Variants in PCDH11Y observed in about 807,000 individuals in gnomAD.
PCDH11Y encodes the protein protocadherin-11 Y-linked.
For synonymous variants in PCDH11Y, 9 were observed against 83.6 expected, an observed-to-expected ratio of 0.11 and a Z score of 4.87; for missense variants, 12 against 224.8, an observed-to-expected ratio of 0.05 and a Z score of 6.05.
At chrY:5,034,432 A>G (rs2052595817) in intron 3 of PCDH11Y, among the ~76,000 whole-genome samples, 1 of 33,173 alleles carries the variant, frequency 3.0e-5, no homozygotes, top group African/African-American at 1.2e-4. Flanking sequence ...CATTTTATAG[A>G]CCTGTTATTT....
chrY:5,374,887 G>T lies in PCDH11Y; in HGVS notation c.3130-126170G>T. ...TTCAAGGTTTATCCATGTGGATAAA[G>T]TAGCCTGTACTTTATTCCTTTTTAT... On this transcript the variant is annotated intron_variant, in intron 2 of 4. Transcript: ENST00000400457. Among the ~76,000 whole-genome samples the T allele has an allele frequency of 1.2e-4, 4 of 33,390 alleles. No individual in the cohort carries two copies. In the South Asian group the frequency reaches 2.6e-3, roughly 22 times the overall value. The allele number at this position is 33,390 out of a possible 37,273, so 89.6% of individuals were successfully genotyped here.
chrY:5,700,776 T>C (rs2053577025), intron 4 of PCDH11Y, among the ~76,000 whole-genome samples: 1 of 33,696 alleles, frequency 3.0e-5, no homozygotes, highest in Non-Finnish European at 7.3e-5. Flanking sequence ...GACATGACTT[T>C]GGTATTAAGT....
intron 2 of PCDH11Y, among the ~76,000 whole-genome samples, chrY:5,154,129 T>C: frequency 3.4e-5 from 1 of 29,650 alleles, no homozygotes; most frequent in Non-Finnish European, 8.1e-5. Context: ...CCATCAAAAG[T>C]GAGAAGTAGG....
intron 2 of PCDH11Y, among the ~76,000 whole-genome samples, chrY:5,282,558 A>G: frequency 6.0e-5 from 2 of 33,223 alleles, no homozygotes; most frequent in Non-Finnish European, 1.5e-4. Context: ...TTCCCTTTCT[A>G]TGTTGCTCTT....
At chrY:5,720,553 TA>T (rs2053593816) in intron 4 of PCDH11Y, among the ~76,000 whole-genome samples, 21 of 22,138 alleles carry the variant, frequency 9.5e-4, no homozygotes, top group Middle Eastern at 0.053. Flanking sequence ...TGGTGATTCA[TA>T]AAAAAAAAAA....
intron 2 of PCDH11Y, among the ~76,000 whole-genome samples, chrY:5,223,657 G>A: frequency 3.1e-5 from 1 of 31,818 alleles, no homozygotes; most frequent in Non-Finnish European, 7.6e-5. Flanking sequence ...GAGCCTCACT[G>A]TGTTGCCCTG....
intron 2 of PCDH11Y, among the ~76,000 whole-genome samples, chrY:5,112,617 A>G (rs2052803593): frequency 3.0e-5 from 1 of 33,631 alleles, no homozygotes; most frequent in Non-Finnish European, 7.4e-5. Flanking sequence ...TGGATTTACC[A>G]TAATTATATA....
chrY:5,108,797 A>G, downstream of PCDH11Y, among the ~76,000 whole-genome samples: 1 of 29,412 alleles, frequency 3.4e-5, no homozygotes, highest in Non-Finnish European at 8.1e-5. Context: ...ATATATATAT[A>G]CTTTAGAATA....
intron 4 of PCDH11Y, among the ~76,000 whole-genome samples, chrY:5,710,929 A>G (rs2053585939): frequency 6.1e-5 from 2 of 32,574 alleles, no homozygotes; most frequent in Non-Finnish European, 1.5e-4. Flanking sequence ...CTTGGGAATC[A>G]TGGGGATCAT....
intron 1 of PCDH11Y, among the ~76,000 whole-genome samples, chrY:5,009,357 A>G (rs2052544423): frequency 3.0e-5 from 1 of 33,841 alleles, no homozygotes; most frequent in Non-Finnish European, 7.3e-5. Flanking sequence ...ATAAAACATA[A>G]AAAATGATGT....
At chrY:5,656,530 C>A in intron 4 of PCDH11Y, among the ~76,000 whole-genome samples, 3 of 30,107 alleles carry the variant, frequency 1.0e-4, no homozygotes, top group African/African-American at 3.9e-4. Context: ...TTTTCCCCCC[C>A]AAAAGTGAAA....
intron 2 of PCDH11Y, among the ~76,000 whole-genome samples, chrY:5,358,225 C>T (rs2053170202): frequency 1.8e-4 from 6 of 33,888 alleles, no homozygotes; most frequent in Admixed American, 1.6e-3. Context: ...CATGAGCCAC[C>T]GCTCCCGGCC....
At chrY:5,720,724 T>C in intron 4 of PCDH11Y, among the ~76,000 whole-genome samples, 1 of 32,912 alleles carries the variant, frequency 3.0e-5, no homozygotes, top group African/African-American at 1.2e-4. Context: ...GAGTTTATCC[T>C]AAGAGCAAAC....
intron 4 of PCDH11Y, among the ~76,000 whole-genome samples, chrY:5,644,114 A>G: frequency 6.1e-5 from 2 of 32,965 alleles, no homozygotes; most frequent in South Asian, 1.3e-3. Flanking sequence ...GAGGAACTCT[A>G]TGATTTCTAA....
chrY:5,155,479 G>A (rs2052868626), intron 2 of PCDH11Y, among the ~76,000 whole-genome samples: 2 of 31,587 alleles, frequency 6.3e-5, no homozygotes, highest in African/African-American at 1.2e-4. Context: ...CACCCCACCC[G>A]CCCTCAAGAG....
At chrY:5,055,352 A>T, upstream of PCDH11Y, among the ~76,000 whole-genome samples, 3 of 33,224 alleles carry the variant, frequency 9.0e-5, no homozygotes, top group Non-Finnish European at 1.5e-4. Context: ...TGTTGATGTT[A>T]TCGATTACCA....
intron 2 of PCDH11Y, among the ~76,000 whole-genome samples, chrY:5,401,371 T>C: frequency 3.0e-5 from 1 of 33,270 alleles, no homozygotes; most frequent in Non-Finnish European, 7.4e-5. Flanking sequence ...TTGTTGGAAT[T>C]GACTGTCAGT....
At chrY:5,344,581 C>T (rs2053149893) in intron 2 of PCDH11Y, among the ~76,000 whole-genome samples, 1 of 33,792 alleles carries the variant, frequency 3.0e-5, no homozygotes, top group Non-Finnish European at 7.3e-5. Flanking sequence ...TCATGTAATA[C>T]AAAGTCATGC....
In PCDH11Y at chrY:5,560,212, T is replaced by G; in HGVS notation, c.3329-21563T>G. 1.2e-4 allele frequency among the ~76,000 whole-genome samples: 4 copies of G among 33,240 alleles called. No individual in the cohort carries two copies. In the South Asian group the frequency reaches 2.7e-3, roughly 22 times the overall value. The allele number at this position is 33,240 out of a possible 37,273, so 89.2% of individuals were successfully genotyped here. On this transcript the variant is annotated intron_variant, in intron 3 of 4. Coordinates refer to the PCDH11Y transcript ENST00000400457. ...ATTTAAGGTATCTAGCAGGAGAAAT[T>G]TCTAAGTGGCAAAGCATTCAAGAGG...
Sources: gnomAD v4.1 joint callset for allele counts (sites outside exome capture counted in the v4.1 genomes callset) on GRCh38, gnomAD v4.1.1 for gene constraint, MANE v1.5 for transcripts, NCBI Gene and HGNC (gene_info 2026-07-23, HGNC 2026-07-21) for gene names.